CERKL: variants seen among roughly 807,000 people sequenced by gnomAD.
CERKL encodes ceramide kinase-like protein.
Under a neutral mutation model 63.4 loss-of-function variants are expected in CERKL, and 61 were observed. The ratio of observed to expected loss-of-function variants is 0.96; its 90% CI spans 0.78 to 1.19. CERKL has a LOEUF of 1.19. Ranked by LOEUF, CERKL falls within the 50% of genes most tolerant of loss-of-function variation. The pLI is 0.00. For missense variants in CERKL, 675 were observed against 655.5 expected (o/e 1.03, Z -0.33); for synonymous variants, 250 against 230.5 (o/e 1.08, Z -0.77).
At chr2:181,643,123 C>T (rs1231679508) in intron 1 of CERKL, among the ~76,000 whole-genome samples, 1 of 152,198 alleles carries the variant, frequency 6.6e-6, no homozygotes. Context: ...GCCCCATTGA[C>T]CATCAAACCT....
intron 1 of CERKL, among the ~76,000 whole-genome samples, chr2:181,641,302 C>CAT (rs1174454591): frequency 1.4e-3 from 133 of 96,950 alleles, no homozygotes; most frequent in African/African-American, 2.6e-3. Context: ...TATGTGTATG[C>CAT]ATATATATAT....
intron 2 of CERKL, among the ~76,000 whole-genome samples, chr2:181,597,469 C>G (rs1685266856): frequency 6.6e-6 from 1 of 152,100 alleles, no homozygotes; most frequent in African/African-American, 2.4e-5. Flanking sequence ...TAATGGAAAA[C>G]TGGGGAAAGA....
At chr2:181,603,323 G>A (rs1050070618) in intron 2 of CERKL, among the ~76,000 whole-genome samples, 1 of 152,114 alleles carries the variant, frequency 6.6e-6, no homozygotes, top group Non-Finnish European at 1.5e-5. Context: ...ACTCTCAGGT[G>A]AACTAAATTA....
chr2:181,635,965 T>C (rs1474513153), intron 1 of CERKL, among the ~76,000 whole-genome samples: 1 of 152,174 alleles, frequency 6.6e-6, no homozygotes, highest in African/African-American at 2.4e-5. Context: ...CTTTAAACTA[T>C]GATTATTTTT....
intron 2 of CERKL, among the ~76,000 whole-genome samples, chr2:181,583,695 T>C (rs1342024571): frequency 6.6e-6 from 1 of 152,234 alleles, no homozygotes; most frequent in Non-Finnish European, 1.5e-5. Context: ...GCTCTCCTAG[T>C]AACTCTTATG....
At chr2:181,613,876 C>G (rs1185432566) in intron 1 of CERKL, among the ~76,000 whole-genome samples, 1 of 152,170 alleles carries the variant, frequency 6.6e-6, no homozygotes, top group East Asian at 1.9e-4. Flanking sequence ...TTGCATATAA[C>G]TAGTTCCTAA....
chr2:181,555,752 C>CTTT (rs34713780), intron 5 of CERKL, among the ~76,000 whole-genome samples: 15 of 120,140 alleles, frequency 1.2e-4, no homozygotes, highest in Admixed American at 1.1e-3. Flanking sequence ...CATTATTAAA[C>CTTT]TTTTTTTTTT....
chr2:181,589,524 C>G (rs1684900103), intron 2 of CERKL, among the ~76,000 whole-genome samples: 1 of 152,188 alleles, frequency 6.6e-6, no homozygotes, highest in South Asian at 2.1e-4. Flanking sequence ...AAGTAAAAAT[C>G]TTCATATTTA....
intron 3 of CERKL, among the ~76,000 whole-genome samples, chr2:181,572,174 A>G (rs1334826046): frequency 1.3e-5 from 2 of 150,908 alleles, no homozygotes; most frequent in African/African-American, 4.9e-5. Context: ...TCCTTCCCTC[A>G]TTTTTTGTCT....
chr2:181,539,957 ATAAC>A (rs1687420619), intron 11 of CERKL, among the ~76,000 whole-genome samples: 1 of 152,228 alleles, frequency 6.6e-6, no homozygotes, highest in African/African-American at 2.4e-5. Flanking sequence ...GCAGAAATGT[ATAAC>A]TACTCATTTC....
chr2:181,651,907 C>CTT (rs34396506), intron 1 of CERKL, among the ~76,000 whole-genome samples: 43 of 149,540 alleles, frequency 2.9e-4, no homozygotes, highest in African/African-American at 1.0e-3. Context: ...ATTTATAGTA[C>CTT]TTTTTTAAAA....
intron 2 of CERKL, among the ~76,000 whole-genome samples, chr2:181,583,579 G>T (rs1684631314): frequency 6.6e-6 from 1 of 152,216 alleles, no homozygotes; most frequent in Non-Finnish European, 1.5e-5. Context: ...TGGTACAGCA[G>T]TAGTGCTCAA....
intron 2 of CERKL, among the ~76,000 whole-genome samples, chr2:181,578,700 C>A (rs1187715517): frequency 1.3e-5 from 2 of 151,946 alleles, no homozygotes; most frequent in African/African-American, 4.9e-5. Context: ...CTTGCTTTTT[C>A]CTTTTACTGT....
At chr2:181,652,863 C>T (rs1036189841) in intron 1 of CERKL, among the ~76,000 whole-genome samples, 6 of 151,826 alleles carry the variant, frequency 4.0e-5, no homozygotes, top group Non-Finnish European at 8.8e-5. Context: ...CAATCTCCAC[C>T]TCCTGGGTTC....
chr2:181,601,790 C>T (rs1685469605), intron 2 of CERKL, among the ~76,000 whole-genome samples: 1 of 152,136 alleles, frequency 6.6e-6, no homozygotes, highest in Admixed American at 6.5e-5. Context: ...TCTTCACTCT[C>T]ATTAGAGGAT....
intron 1 of CERKL, among the ~76,000 whole-genome samples, chr2:181,605,984 C>T (rs1685659321): frequency 1.3e-5 from 2 of 150,410 alleles, no homozygotes; most frequent in Non-Finnish European, 3.0e-5. Context: ...TCTGATTGCT[C>T]ACAAAGTATA....
intron 1 of CERKL, chr2:181,650,174 G>GA (rs1300210746): frequency 1.4e-5 from 2 of 143,066 alleles, no homozygotes; most frequent in Admixed American, 1.4e-4. Context: ...AAGAAGGAAG[G>GA]AGAAAGAAAA....
chr2:181,579,960 T>C lies in CERKL; in HGVS notation c.482-6076A>G, dbSNP rs538432011. Among the ~76,000 whole-genome samples the C allele has an allele frequency of 3.3e-5, 5 of 152,058 alleles. No homozygotes were observed. The South Asian group carries it at 6.2e-4, about 19-fold the overall frequency. On this transcript the variant is annotated intron_variant, in intron 2 of 12. Transcript: ENST00000410087. ...CTGATCTATTCATATGTCAGTACCA[T>C]CTTTTAAACATTATAGTTTTATAAT...
chr2:181,578,412 G>A (rs1344784466), intron 2 of CERKL, among the ~76,000 whole-genome samples: 2 of 152,078 alleles, frequency 1.3e-5, no homozygotes, highest in Non-Finnish European at 2.9e-5. Flanking sequence ...CAATCCTCTT[G>A]CCTCAGCCTC....
Sources: gnomAD v4.1 joint callset for allele counts (sites outside exome capture counted in the v4.1 genomes callset) on GRCh38, gnomAD v4.1.1 for gene constraint, MANE v1.5 for transcripts, NCBI Gene and HGNC (gene_info 2026-07-23, HGNC 2026-07-21) for gene names.